Variants in SLCO4C1 observed in about 807,000 individuals in gnomAD.
SLCO4C1 encodes the protein solute carrier organic anion transporter family member 4C1.
SLCO4C1 carries 58 observed loss-of-function variants against 72.1 expected under a neutral mutation model. The observed-to-expected ratio is 0.80, with a 90% CI of 0.65 to 1.00. The LOEUF (loss-of-function observed/expected upper bound fraction) is 1.00, where lower values mean the gene tolerates loss of function less well. Ranked by LOEUF, SLCO4C1 falls within the 50% of genes least tolerant of loss-of-function variation. SLCO4C1 has a pLI of 0.00. For missense variants in SLCO4C1, 898 were observed against 857.9 expected, an observed-to-expected ratio of 1.05 and a Z score of -0.58; for synonymous variants, 297 against 312.5, an observed-to-expected ratio of 0.95 and a Z score of 0.52.
At chr5:102,261,505 T>TA (rs573943217) in intron 5 of SLCO4C1, among the ~76,000 whole-genome samples, 7 of 146,798 alleles carry the variant, frequency 4.8e-5, no homozygotes, top group South Asian at 2.2e-4. Flanking sequence ...AGTGATAACT[T>TA]AAAAAAAAAA....
chr5:102,252,069 C>T (rs10057463), intron 8 of SLCO4C1, among the ~76,000 whole-genome samples: 17,691 of 135,560 alleles, frequency 0.13, 1,238 homozygotes, highest in African/African-American at 0.19. Context: ...GGAAGGGAAA[C>T]GGGGAAAGAA....
intron 12 of SLCO4C1, among the ~76,000 whole-genome samples, chr5:102,237,606 C>T (rs928867829): frequency 6.6e-6 from 1 of 151,906 alleles, no homozygotes; most frequent in South Asian, 2.1e-4. Flanking sequence ...ACAGAAACCC[C>T]GTCTCAAAAA....
At chr5:102,260,847 A>G (rs1391591634) in intron 5 of SLCO4C1, among the ~76,000 whole-genome samples, 6 of 152,128 alleles carry the variant, frequency 3.9e-5, no homozygotes, top group Non-Finnish European at 8.8e-5. Context: ...AAATTTGAGA[A>G]AACAGTTAAC....
chr5:102,288,762 C>A (rs1488224815), intron 2 of SLCO4C1, among the ~76,000 whole-genome samples: 1 of 152,198 alleles, frequency 6.6e-6, no homozygotes, highest in Non-Finnish European at 1.5e-5. Flanking sequence ...TGGAAATTAT[C>A]TTTCAAGGTT....
intron 2 of SLCO4C1, among the ~76,000 whole-genome samples, chr5:102,285,026 A>G (rs1408180670): frequency 6.6e-6 from 1 of 152,152 alleles, no homozygotes; most frequent in East Asian, 1.9e-4. Context: ...CTATATCCAC[A>G]GTTAGAAGCT....
At chr5:102,237,683 A>C (rs192108181) in intron 12 of SLCO4C1, among the ~76,000 whole-genome samples, 1 of 152,292 alleles carries the variant, frequency 6.6e-6, no homozygotes, top group Admixed American at 6.5e-5. Context: ...AAAGTCAATA[A>C]TGAGGGAAAG....
At chr5:102,243,033 G>A (rs551285206) in intron 10 of SLCO4C1, among the ~76,000 whole-genome samples, 1 of 152,238 alleles carries the variant, frequency 6.6e-6, no homozygotes, top group African/African-American at 2.4e-5. Context: ...AAGAGGCAGT[G>A]GGCCATAAAG....
At position 102,291,435 on chromosome 5, in the gene SLCO4C1, G is replaced by A. The variant is rs1749548862; in HGVS notation, c.527C>T (p.Ala176Val). The change falls in exon 2 of 13, where the codon GCA (alanine) becomes GTA (valine). Residue 176 changes from alanine to valine, a missense_variant. Physicochemically the swap from Ala to Val is moderately conservative, Grantham distance 64. Transcript: ENST00000310954. ...GERGHKPRWL[A>V]FAAFMIGLGA... ...CAGTCCAATCATAAAGGCTGCAAATGCAAGCCATCTCGGCTTATGTCCTCT... is the reference window on the plus strand; with the variant it reads ...CAGTCCAATCATAAAGGCTGCAAATACAAGCCATCTCGGCTTATGTCCTCT... The A allele has an allele frequency of 2.5e-6, 4 of 1,614,026 alleles. No homozygotes were observed. Among genetic ancestry groups the A allele is most frequent in the Non-Finnish European group, 3.4e-6 (4 of 1,179,942 alleles).
Position 102,258,049 on chromosome 5 carries a change from T to C in SLCO4C1, c.1167A>G (p.Leu389=), listed in dbSNP as rs142437512. The C allele has an allele frequency of 2.7e-4, 433 of 1,600,388 alleles. No individual in the cohort carries two copies. The highest frequency in any genetic ancestry group is 3.6e-4 in the Middle Eastern group (2 of 5,596). ...TAATTAAGGCTTCTGAAGAAGTTGA[T>C]AGAACTAAACACATAAAGACAGCAT... ...MKNAVFMCLV[L]STSSEALITT... is the part of the protein sequence containing the mutation. The change falls in exon 7 of 13, where the codon CTA becomes CTG. Residue 389 remains leucine (L), a synonymous_variant. Transcript: ENST00000310954.
At chr5:102,295,533 A>C (rs1749632801) in intron 1 of SLCO4C1, among the ~76,000 whole-genome samples, 1 of 152,248 alleles carries the variant, frequency 6.6e-6, no homozygotes. Context: ...AATACCTTTA[A>C]AGAGTGCCTA....
chr5:102,265,180 G>A (rs1012389496), intron 3 of SLCO4C1, among the ~76,000 whole-genome samples: 5 of 152,020 alleles, frequency 3.3e-5, no homozygotes, highest in African/African-American at 1.2e-4. Context: ...ACATTTTGCT[G>A]TTGAGTTGTT....
chr5:102,245,604 A>G (rs528812888), intron 10 of SLCO4C1, among the ~76,000 whole-genome samples: 1 of 152,310 alleles, frequency 6.6e-6, no homozygotes, highest in East Asian at 1.9e-4. Context: ...TGGAGACTTC[A>G]ACACCCCATG....
chr5:102,278,984 T>C (rs1454180997), intron 2 of SLCO4C1, among the ~76,000 whole-genome samples: 1 of 148,146 alleles, frequency 6.8e-6, no homozygotes, highest in Non-Finnish European at 1.5e-5. Flanking sequence ...AGGAAGAAAA[T>C]AAAGAGCAGA....
intron 1 of SLCO4C1, 73 bp downstream of exon 1, chr5:102,295,832 CCCT>C (rs1465435214): frequency 1.4e-6 from 2 of 1,432,780 alleles, no homozygotes; most frequent in Middle Eastern, 4.4e-4. Flanking sequence ...CGCGCACCTG[CCCT>C]CTCCCCCGGC....
chr5:102,241,235 C>T (rs189093970), intron 10 of SLCO4C1, among the ~76,000 whole-genome samples: 79 of 151,986 alleles, frequency 5.2e-4, no homozygotes, highest in Admixed American at 2.9e-3. Flanking sequence ...GAATTCTATT[C>T]GGCATAGTAC....
At position 102,266,259 on chromosome 5, in the gene SLCO4C1, T is replaced by C. The variant is rs1241829525; in HGVS notation, c.803-2479A>G. ...ATGTCATCTGTGGAGAGAGACAATT[T>C]GGCTTCCTCTTCTCCAATTTTGATG... is the stretch of plus-strand genomic sequence containing the variant. On this transcript the variant is annotated intron_variant, in intron 3 of 12. Coordinates refer to ENST00000310954, the MANE Select transcript of SLCO4C1 (RefSeq NM_180991.5). Among the ~76,000 whole-genome samples, 9 of 152,258 alleles carry C rather than the reference T, an allele frequency of 5.9e-5. 1 individual carries two copies. In the East Asian group the frequency reaches 1.7e-3, roughly 29 times the overall value.
chr5:102,244,190 AAC>A (rs1748597259), intron 10 of SLCO4C1, among the ~76,000 whole-genome samples: 1 of 152,120 alleles, frequency 6.6e-6, no homozygotes, highest in Non-Finnish European at 1.5e-5. Context: ...TCCATCTCAA[AAC>A]AAAAAAAGAA....
intron 2 of SLCO4C1, among the ~76,000 whole-genome samples, chr5:102,284,507 G>A (rs553023993): frequency 4.1e-4 from 62 of 152,278 alleles, no homozygotes; most frequent in Admixed American, 4.6e-4. Flanking sequence ...GCGAAAGCAG[G>A]ATGAAGGGGA....
At chr5:102,239,188 A>G in intron 12 of SLCO4C1, 63 bp downstream of exon 12, 1 of 1,394,410 alleles carries the variant, frequency 7.2e-7, no homozygotes, top group Non-Finnish European at 9.6e-7. Flanking sequence ...GTAACCAACA[A>G]TGAGATTTTT....
Sources: allele counts gnomAD v4.1 joint callset (sites outside exome capture counted in the v4.1 genomes callset), GRCh38; gene constraint gnomAD v4.1.1; transcripts MANE v1.5; gene names NCBI Gene and HGNC (gene_info 2026-07-23, HGNC 2026-07-21).